Variants in KCTD15 observed in about 807,000 individuals in gnomAD.
KCTD15 encodes the protein BTB/POZ domain-containing protein KCTD15.
A neutral mutation model predicts 27.2 loss-of-function variants in KCTD15; 11 were observed. The ratio of observed to expected loss-of-function variants is 0.41; its 90% CI spans 0.25 to 0.67. The LOEUF is 0.67. Among genes scored for constraint, KCTD15 ranks in the 30% least tolerant of loss-of-function variants. KCTD15 has a pLI of 0.35. For missense variants in KCTD15, 350 were observed against 409.3 expected (o/e 0.86, Z 1.25); for synonymous variants, 163 against 176.0 (o/e 0.93, Z 0.58).
intron 2 of KCTD15, 92 bp downstream of exon 2, chr19:33,798,858 G>T (rs1470173021): frequency 6.6e-6 from 1 of 152,368 alleles, no homozygotes; most frequent in Admixed American, 6.5e-5. Context: ...ATGGAGGCTT[G>T]GTGTTCACGT....
chr19:33,802,892 G>T (rs1267295459), intron 4 of KCTD15, among the ~76,000 whole-genome samples: 1 of 152,214 alleles, frequency 6.6e-6, no homozygotes, highest in East Asian at 1.9e-4. Context: ...AGGCCCTGGG[G>T]GAGGCGGGTG....
At chr19:33,809,695 AAAT>A (rs1256530887) in intron 5 of KCTD15, among the ~76,000 whole-genome samples, 1 of 152,106 alleles carries the variant, frequency 6.6e-6, no homozygotes. Context: ...TTGTGTCTAC[AAAT>A]AATTATTATT....
intron 4 of KCTD15, among the ~76,000 whole-genome samples, chr19:33,806,014 C>T (rs1307198206): frequency 1.3e-5 from 2 of 152,374 alleles, no homozygotes; most frequent in African/African-American, 4.8e-5. Flanking sequence ...AGTCCCCATC[C>T]GCCACCACTA....
chr19:33,813,542 G>T lies in KCTD15; in HGVS notation c.*594G>T. The T allele has an allele frequency of 2.6e-6, 1 of 387,942 alleles. No individual in the cohort carries two copies. The highest frequency in any genetic ancestry group is 5.1e-6 in the Non-Finnish European group (1 of 196,460). The allele number at this position is 387,942 out of a possible 1,614,324, so 24.0% of individuals were successfully genotyped here. A position where few individuals can be genotyped will look rare whatever the true frequency, so the allele number is the denominator to read the frequency against. On this transcript the variant is annotated 3_prime_UTR_variant, in exon 7 of 7. Coordinates refer to ENST00000683859, the MANE Select transcript of KCTD15 (RefSeq NM_001129994.2). ...CTGGGGCTCTCGGGACAGATGCAGG[G>T]ATGTGTGCTGCAGGGCTGCTGGGAG...
At chr19:33,797,073 G>A (rs185032203) in intron 1 of KCTD15, 86 bp downstream of exon 1, 1 of 157,610 alleles carries the variant, frequency 6.3e-6, no homozygotes, top group Admixed American at 6.5e-5. Flanking sequence ...GCCCGGCCAG[G>A]GTCTGGACCT....
intron 5 of KCTD15, among the ~76,000 whole-genome samples, chr19:33,809,075 G>A (rs780887048): frequency 5.3e-5 from 8 of 151,920 alleles, no homozygotes; most frequent in Non-Finnish European, 1.0e-4. Context: ...TCAGGAGTTC[G>A]AGACCAGCCT....
At chr19:33,811,682 G>A in intron 6 of KCTD15, 130 bp downstream of exon 6, 2 of 1,515,534 alleles carry the variant, frequency 1.3e-6, no homozygotes, top group Non-Finnish European at 9.0e-7. Flanking sequence ...TACAAAAAAG[G>A]CAACAATGTG....
chr19:33,794,324 A>ATC (rs1294736487), upstream of KCTD15, among the ~76,000 whole-genome samples: 1 of 152,240 alleles, frequency 6.6e-6, no homozygotes, highest in Non-Finnish European at 1.5e-5. Context: ...TACCTTGCAA[A>ATC]TCTTAGAAAC....
At chr19:33,795,768 C>A (rs2145415376), upstream of KCTD15, among the ~76,000 whole-genome samples, 1 of 151,598 alleles carries the variant, frequency 6.6e-6, no homozygotes, top group African/African-American at 2.4e-5. Context: ...GCGTCCGGGG[C>A]GCGGACCTCG....
At position 33,811,890 on chromosome 19, in the gene KCTD15, G is replaced by A. The variant is rs566910961; in HGVS notation, c.693+338G>A. Reference sequence around the variant, plus strand: ...TTCGAACTAAACCCAGGCAACAGGCGAGGCAGGACAGAGGCTGAGTGGAAA... The same window carrying A: ...TTCGAACTAAACCCAGGCAACAGGCAAGGCAGGACAGAGGCTGAGTGGAAA... On this transcript the variant is annotated intron_variant, in intron 6 of 6. Coordinates refer to ENST00000683859, the MANE Select transcript of KCTD15 (RefSeq NM_001129994.2). 7.3e-5 allele frequency: 116 copies of A among 1,589,130 alleles called. No individual in the cohort carries two copies. The East Asian group carries it at 2.2e-3, about 30-fold the overall frequency.
upstream of KCTD15, among the ~76,000 whole-genome samples, chr19:33,794,951 G>A (rs1975271058): frequency 6.6e-6 from 1 of 152,230 alleles, no homozygotes; most frequent in South Asian, 2.1e-4. Flanking sequence ...TGGAAGCCCG[G>A]AGGTACCGGG....
At chr19:33,802,365 G>A (rs1030306686) in intron 4 of KCTD15, among the ~76,000 whole-genome samples, 3 of 152,206 alleles carry the variant, frequency 2.0e-5, no homozygotes, top group Non-Finnish European at 4.4e-5. Flanking sequence ...GAGCATACAC[G>A]GCAGGCTGCA....
intron 1 of KCTD15, among the ~76,000 whole-genome samples, chr19:33,798,089 A>T (rs989689779): frequency 6.8e-6 from 1 of 146,694 alleles, no homozygotes; most frequent in Non-Finnish European, 1.5e-5. Context: ...CGGAGGCGGG[A>T]GGGGGGGGGT....
At chr19:33,803,588 G>A (rs1175964372) in intron 4 of KCTD15, among the ~76,000 whole-genome samples, 2 of 151,960 alleles carry the variant, frequency 1.3e-5, no homozygotes, top group African/African-American at 4.8e-5. Flanking sequence ...TCTCGTGCTG[G>A]GTGACTCCTC....
Position 33,797,201 on chromosome 19 carries a change from G to A in KCTD15, c.-127+214G>A, listed in dbSNP as rs933111223. On this transcript the variant is annotated intron_variant, in intron 1 of 6. Coordinates refer to ENST00000683859, the MANE Select transcript of KCTD15 (RefSeq NM_001129994.2). ...GCCCACGTGGGCTGGTCCTGGCCGC[G>A]GGTGGACCCTCCCCACGCGGGCGGT... Among the ~76,000 whole-genome samples, 5 of 152,028 alleles carry A rather than the reference G, an allele frequency of 3.3e-5. No homozygotes were observed. In the East Asian group the frequency reaches 7.9e-4, roughly 24 times the overall value.
At chr19:33,796,486 CCCCGA>C (rs1276814159), upstream of KCTD15, 4 of 150,426 alleles carry the variant, frequency 2.7e-5, no homozygotes, top group South Asian at 8.3e-4. Context: ...CGCAGCCGAG[CCCCGA>C]GCCAGGAGTC....
chr19:33,800,234 T>C (rs1206501718), intron 2 of KCTD15, among the ~76,000 whole-genome samples, 194 bp from the exon 3 acceptor site: 1 of 152,202 alleles, frequency 6.6e-6, no homozygotes, highest in Non-Finnish European at 1.5e-5. Flanking sequence ...TGTCATCTGC[T>C]ACAGCCTGGA....
In KCTD15 at chr19:33,815,490, C is replaced by T. The variant is rs1221248807; in HGVS notation, c.*2542C>T. 1 of 152,100 alleles carries T rather than the reference C, an allele frequency of 6.6e-6. No homozygotes were observed. The highest frequency in any genetic ancestry group is 2.4e-5 in the African/African-American group (1 of 41,408). The allele number at this position is 152,100 out of a possible 1,614,324, so 9.4% of individuals were successfully genotyped here. A position where few individuals can be genotyped will look rare whatever the true frequency, so the allele number is the denominator to read the frequency against. ...CAGCCGTATAAATGTTACTTCTGCTCTTTGTAAACCTCAAAACTCATTATT... is the reference window on the plus strand; with the variant it reads ...CAGCCGTATAAATGTTACTTCTGCTTTTTGTAAACCTCAAAACTCATTATT... On this transcript the variant is annotated 3_prime_UTR_variant, in exon 7 of 7. Coordinates refer to ENST00000683859, the MANE Select transcript of KCTD15 (RefSeq NM_001129994.2).
chr19:33,808,998 C>T (rs569810150), intron 5 of KCTD15, among the ~76,000 whole-genome samples: 5 of 151,806 alleles, frequency 3.3e-5, no homozygotes, highest in African/African-American at 9.7e-5. Flanking sequence ...TAAAAAAGGC[C>T]GGGTGCGGTG....
Sources: allele counts gnomAD v4.1 joint callset (sites outside exome capture counted in the v4.1 genomes callset), GRCh38; gene constraint gnomAD v4.1.1; transcripts MANE v1.5; gene names NCBI Gene and HGNC (gene_info 2026-07-23, HGNC 2026-07-21).